ARHGEF10L: variants seen among roughly 807,000 people sequenced by gnomAD.
The protein encoded by ARHGEF10L is Rho guanine nucleotide exchange factor 10 like.
A neutral mutation model predicts 141.2 loss-of-function variants in ARHGEF10L; 69 were observed. The observed-to-expected ratio is 0.49, with a 90% CI of 0.40 to 0.60. The LOEUF is 0.60. Among genes scored for constraint, ARHGEF10L ranks in the 20% least tolerant of loss-of-function variants. ARHGEF10L has a pLI of 0.00. For synonymous variants in ARHGEF10L, 711 were observed against 718.5 expected (o/e 0.99, Z 0.17); for missense variants, 1,482 against 1,734.3 (o/e 0.85, Z 2.58).
chr1:17,603,736 C>G lies in ARHGEF10L; in HGVS notation c.433+145C>G, dbSNP rs182529234. ...TGTCTTTAGAAACAACTGTAGTCAT[C>G]GGGGAGAATCTGGAGATGGCTGAGG... On this transcript the variant is annotated intron_variant, in intron 6 of 28. Transcript: ENST00000361221. This position sits in a 1 kb window ranked among gnomAD's most constrained non-coding sequence, Gnocchi z 4.8. The G allele has an allele frequency of 2.1e-3, 1,624 of 756,908 alleles. 6 individuals carry two copies. Among genetic ancestry groups the G allele is most frequent in the Admixed American group, 3.9e-3 (120 of 30,408 alleles). The allele number at this position is 756,908 out of a possible 1,614,324, so 46.9% of individuals were successfully genotyped here. A position where few individuals can be genotyped will look rare whatever the true frequency, so the allele number is the denominator to read the frequency against.
intron 5 of ARHGEF10L, 113 bp downstream of exon 5, chr1:17,602,331 C>A (rs1458616476): frequency 1.9e-5 from 24 of 1,256,064 alleles, no homozygotes; most frequent in Non-Finnish European, 2.2e-5. Context: ...GGTTCATCCT[C>A]ACCGGGGGCT....
At chr1:17,581,011 A>C (rs2078498785) in intron 2 of ARHGEF10L, among the ~76,000 whole-genome samples, 1 of 152,064 alleles carries the variant, frequency 6.6e-6, no homozygotes, top group Admixed American at 6.6e-5. Context: ...AGTGAAAAAA[A>C]GAGAAAGTAA....
intron 1 of ARHGEF10L, among the ~76,000 whole-genome samples, chr1:17,542,170 T>TAC (rs2076754126): frequency 6.6e-6 from 1 of 151,156 alleles, no homozygotes; most frequent in Non-Finnish European, 1.5e-5. Context: ...AGAAGAAGAT[T>TAC]GAGCATGGTG....
intron 22 of ARHGEF10L, among the ~76,000 whole-genome samples, chr1:17,652,587 C>T (rs546499547): frequency 2.3e-4 from 35 of 152,116 alleles, no homozygotes; most frequent in Non-Finnish European, 4.4e-4. Flanking sequence ...GTGAGGACAC[C>T]GGAGTCTATT....
At chr1:17,689,472 TGCCTCCTTCCCCTAC>T (rs1264143094) in intron 27 of ARHGEF10L, among the ~76,000 whole-genome samples, 1 of 4,010 alleles carries the variant, frequency 2.5e-4, no homozygotes. Flanking sequence ...CCTCCCTCCC[TGCCTCCTTCCCCTAC>T]CTCCCTCTCT....
At chr1:17,626,178 A>G in intron 14 of ARHGEF10L, 130 bp downstream of exon 14, 1 of 683,044 alleles carries the variant, frequency 1.5e-6, no homozygotes, top group Non-Finnish European at 2.5e-6. Flanking sequence ...CTGCTGTGGG[A>G]CTCTGGCCTC....
At chr1:17,670,049 A>G (rs1389013250) in intron 26 of ARHGEF10L, among the ~76,000 whole-genome samples, 3 of 152,232 alleles carry the variant, frequency 2.0e-5, no homozygotes, top group Non-Finnish European at 4.4e-5. Flanking sequence ...GTGTGTGACT[A>G]TGAAGGAAGA....
chr1:17,638,048 G>A (rs1259484334), intron 19 of ARHGEF10L, 45 bp downstream of exon 19: 2 of 1,517,576 alleles, frequency 1.3e-6, no homozygotes, highest in Non-Finnish European at 1.8e-6. Flanking sequence ...TCCCCAGTGT[G>A]GGCAGTGCCT....
intron 21 of ARHGEF10L, among the ~76,000 whole-genome samples, chr1:17,645,194 T>A (rs1284812341): frequency 1.3e-5 from 2 of 152,188 alleles, no homozygotes; most frequent in African/African-American, 4.8e-5. Context: ...CAGTTCTTAA[T>A]GTCACTTATC....
At chr1:17,598,247 A>G (rs1570758454) in intron 4 of ARHGEF10L, among the ~76,000 whole-genome samples, 1 of 152,086 alleles carries the variant, frequency 6.6e-6, no homozygotes, top group South Asian at 2.1e-4. Context: ...GATTACAGGC[A>G]TGTACCACCA....
At chr1:17,602,892 A>G (rs1433298980) in intron 5 of ARHGEF10L, among the ~76,000 whole-genome samples, 1 of 151,772 alleles carries the variant, frequency 6.6e-6, no homozygotes, top group African/African-American at 2.4e-5. Context: ...CTGGGAGGCT[A>G]TCGTGGTCTT....
chr1:17,548,005 C>T lies in ARHGEF10L; in HGVS notation c.-44+8055C>T, dbSNP rs2076976743. On this transcript the variant is annotated intron_variant, in intron 1 of 28. Transcript: ENST00000361221. ...CTTGGGCAACTCACTTGACCCTTCT[C>T]TTATCTGTTTTCTCATCTGTGGAAT... Among the ~76,000 whole-genome samples the T allele has an allele frequency of 2.0e-5, 3 of 152,144 alleles. No homozygotes were observed. In the South Asian group the frequency reaches 6.2e-4, roughly 32 times the overall value.
At chr1:17,531,637 G>A in the ARHGEF10L span, among the ~76,000 whole-genome samples, 2 of 152,198 alleles carry the variant, frequency 1.3e-5, no homozygotes, top group Non-Finnish European at 2.9e-5. Flanking sequence ...AAACGGGAGA[G>A]ATGGGTGTGA....
chr1:17,561,361 C>T (rs1257740882), intron 1 of ARHGEF10L, among the ~76,000 whole-genome samples: 1 of 152,208 alleles, frequency 6.6e-6, no homozygotes, highest in Non-Finnish European at 1.5e-5. Context: ...GTCAGCTCCA[C>T]AGTGGGGGCA....
chr1:17,572,212 A>G (rs1406512375), intron 1 of ARHGEF10L, among the ~76,000 whole-genome samples: 1 of 152,244 alleles, frequency 6.6e-6, no homozygotes, highest in African/African-American at 2.4e-5. Flanking sequence ...AGAGACCACC[A>G]GGGCACCGGC....
chr1:17,561,877 T>G (rs147547917), intron 1 of ARHGEF10L, among the ~76,000 whole-genome samples: 26 of 152,352 alleles, frequency 1.7e-4, no homozygotes, highest in African/African-American at 6.3e-4. Flanking sequence ...CTGTTAGCTG[T>G]CGACCACAGC....
rs758180018 is a variant in ARHGEF10L at position 17,607,816 on chromosome 1, C to G, written c.448C>G (p.Leu150Val). Residue 150 changes from leucine to valine, a missense_variant, in exon 7 of 29, where the codon CTG (leucine) becomes GTG (valine). By Grantham distance (32) the Leu-to-Val change is conservative. Around this residue, in one of 3 missense-constraint regions of ARHGEF10L, gnomAD observed 232 missense variants for 225.9 expected, o/e 1.03. Coordinates refer to ENST00000361221, the MANE Select transcript of ARHGEF10L (RefSeq NM_018125.4). This position sits in a 1 kb window ranked among gnomAD's most constrained non-coding sequence, Gnocchi z 4.5. ...TTGGCCAGCAGGGGCAGAGAGGAAC[C>G]TGCTCTACGAGGATGCGCACCGGGC... ...DAHQPGAERN[L>V]LYEDAHRAGA... 1.9e-6 allele frequency: 3 copies of G among 1,585,682 alleles called. No individual in the cohort carries two copies. Among genetic ancestry groups the G allele is most frequent in the Admixed American group, 3.5e-5 (2 of 56,740 alleles).
intron 1 of ARHGEF10L, among the ~76,000 whole-genome samples, chr1:17,553,746 A>G (rs1177606489): frequency 2.6e-5 from 4 of 152,188 alleles, no homozygotes; most frequent in Admixed American, 1.3e-4. Context: ...CTATGATGGC[A>G]CCACTGCACT....
chr1:17,516,332 G>A, the ARHGEF10L span, among the ~76,000 whole-genome samples: 1 of 152,224 alleles, frequency 6.6e-6, no homozygotes, highest in African/African-American at 2.4e-5. Flanking sequence ...TGCCCTCCTC[G>A]GGCCTTTGCA....
Sources: gnomAD v4.1 joint callset for allele counts (sites outside exome capture counted in the v4.1 genomes callset) on GRCh38, gnomAD v4.1.1 for gene constraint, gnomAD v4.1.1 regional missense constraint, Gnocchi (gnomAD v3.1) non-coding constraint, MANE v1.5 for transcripts, NCBI Gene and HGNC (gene_info 2026-07-23, HGNC 2026-07-21) for gene names.